PIP5K1B: variants seen among roughly 807,000 people sequenced by gnomAD.
PIP5K1B encodes phosphatidylinositol 4-phosphate 5-kinase type-1 beta.
PIP5K1B carries 42 observed loss-of-function variants against 67.0 expected under a neutral mutation model. The ratio of observed to expected loss-of-function variants is 0.63; its 90% confidence interval spans 0.49 to 0.81. The LOEUF is 0.81. Among genes scored for constraint, PIP5K1B ranks in the 30% least tolerant of loss-of-function variants. PIP5K1B has a pLI of 0.00. For missense variants in PIP5K1B, 459 were observed against 646.3 expected, an observed-to-expected ratio of 0.71 and a Z score of 3.14; for synonymous variants, 214 against 231.4, an observed-to-expected ratio of 0.92 and a Z score of 0.68.
At chr9:68,961,159 G>A (rs189976836) in intron 14 of PIP5K1B, among the ~76,000 whole-genome samples, 3 of 150,342 alleles carry the variant, frequency 2.0e-5, no homozygotes, top group South Asian at 2.1e-4. Context: ...GCAGTGAGCC[G>A]AGATTGCGCC....
At chr9:68,712,466 C>T (rs768643106) in intron 1 of PIP5K1B, among the ~76,000 whole-genome samples, 1 of 152,228 alleles carries the variant, frequency 6.6e-6, no homozygotes, top group Non-Finnish European at 1.5e-5. Flanking sequence ...TCCAAACTCA[C>T]ATTCAACCCA....
At chr9:68,859,150 C>G (rs1353279461) in intron 4 of PIP5K1B, among the ~76,000 whole-genome samples, 1 of 152,214 alleles carries the variant, frequency 6.6e-6, no homozygotes, top group Non-Finnish European at 1.5e-5. Flanking sequence ...CTTATCTATA[C>G]TATGGCATTA....
intron 2 of PIP5K1B, among the ~76,000 whole-genome samples, chr9:68,807,066 A>G (rs1455811714): frequency 1.3e-5 from 2 of 151,928 alleles, no homozygotes; most frequent in Non-Finnish European, 2.9e-5. Flanking sequence ...ATTAACTCTA[A>G]TCCTGTTAAA....
chr9:68,837,092 T>G (rs1243404997), intron 4 of PIP5K1B, among the ~76,000 whole-genome samples: 1 of 152,236 alleles, frequency 6.6e-6, no homozygotes, highest in Non-Finnish European at 1.5e-5. Context: ...CCAGATGGCC[T>G]GGAACAGTAT....
At chr9:68,800,578 G>A (rs1288558003) in intron 2 of PIP5K1B, among the ~76,000 whole-genome samples, 7 of 152,130 alleles carry the variant, frequency 4.6e-5, no homozygotes, top group Non-Finnish European at 1.5e-5. Flanking sequence ...GGGCCTTTAT[G>A]TGTGATTCTA....
intron 14 of PIP5K1B, among the ~76,000 whole-genome samples, chr9:68,985,028 T>C (rs971735785): frequency 1.3e-5 from 2 of 152,116 alleles, no homozygotes; most frequent in African/African-American, 4.8e-5. Flanking sequence ...TGGGGAGGGA[T>C]TGCGTGTATG....
chr9:68,891,259 T>C (rs531909289), intron 7 of PIP5K1B, among the ~76,000 whole-genome samples: 5 of 151,970 alleles, frequency 3.3e-5, no homozygotes, highest in Non-Finnish European at 7.4e-5. Flanking sequence ...CAAAGAAAAA[T>C]TAAATTTAGC....
At chr9:68,963,057 T>C (rs1015242397) in intron 14 of PIP5K1B, 8 of 380,158 alleles carry the variant, frequency 2.1e-5, no homozygotes, top group Non-Finnish European at 3.7e-5. Flanking sequence ...AAGAAACTTA[T>C]ATTTGATTTA....
In PIP5K1B at chr9:68,983,761, T is replaced by C. The variant is rs527534339; in HGVS notation, c.1503-7379T>C. On this transcript the variant is annotated intron_variant, in intron 14 of 15. Coordinates refer to ENST00000265382, the MANE Select transcript of PIP5K1B (RefSeq NM_003558.4). ...CAGACAGTCTGAATCGAGAGAACTG[T>C]GGCAAAACTTAATGGTGCAGCACAT... is the stretch of plus-strand genomic sequence containing the variant. Among the ~76,000 whole-genome samples the C allele has an allele frequency of 2.0e-5, 3 of 152,342 alleles. No homozygotes were observed. In the South Asian group the frequency reaches 6.2e-4, roughly 32 times the overall value.
intron 2 of PIP5K1B, among the ~76,000 whole-genome samples, chr9:68,747,288 A>G (rs1394912228): frequency 6.7e-6 from 1 of 149,586 alleles, no homozygotes; most frequent in Non-Finnish European, 1.5e-5. Flanking sequence ...GGTTATTATC[A>G]AATCGAAACT....
intron 2 of PIP5K1B, among the ~76,000 whole-genome samples, chr9:68,790,752 C>T (rs767263936): frequency 6.6e-6 from 1 of 152,130 alleles, no homozygotes; most frequent in Non-Finnish European, 1.5e-5. Context: ...GTAAATGATA[C>T]TGAACTATGC....
intron 2 of PIP5K1B, among the ~76,000 whole-genome samples, chr9:68,775,445 G>C (rs1830868546): frequency 6.6e-6 from 1 of 152,154 alleles, no homozygotes; most frequent in Non-Finnish European, 1.5e-5. Context: ...AGTAAAATAA[G>C]AGTTACTCAA....
rs1466580139 is a variant in PIP5K1B, at chr9:68,998,845, CA to C, written c.1620+7590del. Among the ~76,000 whole-genome samples the C allele has an allele frequency of 2.0e-5, 3 of 152,270 alleles. No individual in the cohort carries two copies. In the East Asian group the frequency reaches 5.8e-4, roughly 29 times the overall value. On this transcript the variant is annotated intron_variant, in intron 15 of 15. Transcript: ENST00000265382. ...TCGGTTTATAAAAAATAAAGCCCCC[CA>C]AGTGTGATGAATGGCACGAGTAGGA... is the stretch of plus-strand genomic sequence containing the variant.
intron 4 of PIP5K1B, among the ~76,000 whole-genome samples, chr9:68,857,376 G>C (rs185884962): frequency 6.6e-6 from 1 of 152,306 alleles, no homozygotes; most frequent in East Asian, 1.9e-4. Flanking sequence ...CCCACAAACT[G>C]TATAATTTCC....
At chr9:68,764,250 T>A (rs184334666) in intron 2 of PIP5K1B, among the ~76,000 whole-genome samples, 20 of 152,142 alleles carry the variant, frequency 1.3e-4, no homozygotes, top group African/African-American at 4.1e-4. Context: ...GTTCATCTAT[T>A]CATTGCATTC....
intron 8 of PIP5K1B, among the ~76,000 whole-genome samples, chr9:68,902,413 G>C (rs1025603426): frequency 1.3e-5 from 2 of 152,128 alleles, no homozygotes; most frequent in Non-Finnish European, 2.9e-5. Context: ...TAATGCCATT[G>C]ATATTCATCC....
At chr9:68,901,254 GTTTTGT>G (rs764959169) in intron 8 of PIP5K1B, among the ~76,000 whole-genome samples, 1 of 152,046 alleles carries the variant, frequency 6.6e-6, no homozygotes, top group Non-Finnish European at 1.5e-5. Context: ...TAAATTACTT[GTTTTGT>G]TTTTGTTTTT....
chr9:68,893,083 A>T (rs77072652), intron 7 of PIP5K1B, among the ~76,000 whole-genome samples: 20 of 147,156 alleles, frequency 1.4e-4, no homozygotes, highest in East Asian at 7.9e-4. Context: ...TCAAAAAATT[A>T]AAAAAAAAAA....
At chr9:68,789,610 T>C in intron 2 of PIP5K1B, 1 of 386,206 alleles carries the variant, frequency 2.6e-6, no homozygotes, top group South Asian at 2.2e-5. Context: ...ACCACACTTC[T>C]CCAGTGTTTC....
Sources: allele counts gnomAD v4.1 joint callset (sites outside exome capture counted in the v4.1 genomes callset), GRCh38; gene constraint gnomAD v4.1.1; transcripts MANE v1.5; gene names NCBI Gene and HGNC (gene_info 2026-07-23, HGNC 2026-07-21).